PPARGC1A: variants seen among roughly 807,000 people sequenced by gnomAD.
PPARGC1A encodes PPARG coactivator 1 alpha.
A neutral mutation model predicts 88.7 loss-of-function variants in PPARGC1A; 25 were observed. The observed-to-expected ratio is 0.28, with a 90% CI of 0.21 to 0.39. The LOEUF (loss-of-function observed/expected upper bound fraction) is 0.39. Ranked by LOEUF, PPARGC1A falls within the 10% of genes least tolerant of loss-of-function variation. The pLI is 1.00. For missense variants in PPARGC1A, 880 were observed against 968.7 expected (o/e 0.91, Z 1.22); for synonymous variants, 363 against 355.6 (o/e 1.02, Z -0.24).
the PPARGC1A span, among the ~76,000 whole-genome samples, chr4:24,393,911 G>A: frequency 6.6e-6 from 1 of 152,288 alleles, no homozygotes; most frequent in Non-Finnish European, 1.5e-5. Flanking sequence ...GTGAGGCCAG[G>A]AGTTTGAGAC....
the PPARGC1A span, among the ~76,000 whole-genome samples, chr4:24,291,667 C>T: frequency 1.3e-5 from 2 of 152,180 alleles, no homozygotes; most frequent in East Asian, 1.9e-4. Context: ...CTGCTGATCC[C>T]GAAGCCCGTG....
At chr4:24,146,396 G>A in the PPARGC1A span, among the ~76,000 whole-genome samples, 254 of 152,284 alleles carry the variant, frequency 1.7e-3, no homozygotes, top group African/African-American at 5.8e-3. Context: ...TGAAGGACTC[G>A]GTAAAGTGAG....
chr4:23,914,651 C>T, the PPARGC1A span, among the ~76,000 whole-genome samples: 1 of 152,208 alleles, frequency 6.6e-6, no homozygotes, highest in Admixed American at 6.5e-5. Flanking sequence ...TTTTAACATA[C>T]ATGACAGATA....
the PPARGC1A span, among the ~76,000 whole-genome samples, chr4:24,457,049 A>G: frequency 0.043 from 6,527 of 152,296 alleles, 183 homozygotes; most frequent in South Asian, 0.068. Flanking sequence ...ATACAATAAG[A>G]CAGCCAGGAA....
At chr4:23,842,681 A>C (rs111729330) in intron 2 of PPARGC1A, among the ~76,000 whole-genome samples, 1 of 152,042 alleles carries the variant, frequency 6.6e-6, no homozygotes, top group Admixed American at 6.6e-5. Flanking sequence ...GACTACCAAA[A>C]TGTCTCCAGA....
chr4:24,126,843 C>A, the PPARGC1A span, among the ~76,000 whole-genome samples: 2 of 152,156 alleles, frequency 1.3e-5, no homozygotes, highest in African/African-American at 4.8e-5. Flanking sequence ...GGCTAGCTGG[C>A]CAATTTCTCA....
At chr4:23,971,034 A>G in the PPARGC1A span, among the ~76,000 whole-genome samples, 1 of 152,242 alleles carries the variant, frequency 6.6e-6, no homozygotes, top group East Asian at 1.9e-4. Context: ...GATCTGCCAG[A>G]CCTTTCAACA....
the PPARGC1A span, among the ~76,000 whole-genome samples, chr4:24,215,111 G>A: frequency 5.9e-5 from 9 of 152,258 alleles, no homozygotes; most frequent in African/African-American, 1.4e-4. Context: ...AGGAAATACC[G>A]CTCTTGCTCT....
At chr4:24,374,210 C>T in the PPARGC1A span, among the ~76,000 whole-genome samples, 7,157 of 152,248 alleles carry the variant, frequency 0.047, 251 homozygotes, top group Non-Finnish European at 0.069. Flanking sequence ...ATTTCATTGA[C>T]CCAAGTTGGT....
the PPARGC1A span, among the ~76,000 whole-genome samples, chr4:24,453,161 G>A: frequency 1.3e-3 from 194 of 152,290 alleles, 1 homozygote; most frequent in African/African-American, 4.5e-3. Context: ...AAGGATGGGG[G>A]CCTAGAACAG....
chr4:24,429,244 ACTCT>A, the PPARGC1A span, among the ~76,000 whole-genome samples: 16 of 151,034 alleles, frequency 1.1e-4, no homozygotes, highest in African/African-American at 2.2e-4. Context: ...ACTTGCTCAC[ACTCT>A]CTCTCTCTCT....
At chr4:24,295,647 C>T in the PPARGC1A span, among the ~76,000 whole-genome samples, 3 of 150,328 alleles carry the variant, frequency 2.0e-5, no homozygotes, top group African/African-American at 4.9e-5. Flanking sequence ...TATATATATT[C>T]ATAGTTTTTT....
At chr4:24,312,462 G>A in the PPARGC1A span, among the ~76,000 whole-genome samples, 2 of 151,806 alleles carry the variant, frequency 1.3e-5, no homozygotes, top group Non-Finnish European at 2.9e-5. Flanking sequence ...GAGCTCTGAG[G>A]CAATATTCAG....
At chr4:24,258,146 T>G in the PPARGC1A span, 1 of 828,992 alleles carries the variant, frequency 1.2e-6, no homozygotes. Context: ...AGCAGACATT[T>G]GGTATTTGCA....
At chr4:24,102,213 C>T in the PPARGC1A span, among the ~76,000 whole-genome samples, 2 of 152,226 alleles carry the variant, frequency 1.3e-5, no homozygotes, top group Non-Finnish European at 2.9e-5. Flanking sequence ...ATTTAAAATA[C>T]AATAGTTTCT....
the PPARGC1A span, among the ~76,000 whole-genome samples, chr4:24,036,656 C>T: frequency 6.6e-6 from 1 of 151,676 alleles, no homozygotes; most frequent in Admixed American, 6.6e-5. Context: ...GTAATGATTC[C>T]ATTTCTGTGA....
chr4:24,123,290 A>G, the PPARGC1A span, among the ~76,000 whole-genome samples: 1 of 152,136 alleles, frequency 6.6e-6, no homozygotes, highest in Non-Finnish European at 1.5e-5. Flanking sequence ...ATGGATTTGG[A>G]TCTTGCAGCA....
the PPARGC1A span, among the ~76,000 whole-genome samples, chr4:23,993,949 T>A: frequency 6.6e-6 from 1 of 152,156 alleles, no homozygotes; most frequent in Non-Finnish European, 1.5e-5. Context: ...ACTTTTTCCA[T>A]CCTAAAGGGA....
At chr4:24,350,899 G>A in the PPARGC1A span, among the ~76,000 whole-genome samples, 1 of 152,182 alleles carries the variant, frequency 6.6e-6, no homozygotes, top group East Asian at 1.9e-4. Context: ...GGAGGTGGGG[G>A]CAGGAGGATC....
Sources: gnomAD v4.1 joint callset for allele counts (sites outside exome capture counted in the v4.1 genomes callset) on GRCh38, gnomAD v4.1.1 for gene constraint, MANE v1.5 for transcripts, NCBI Gene and HGNC (gene_info 2026-07-23, HGNC 2026-07-21) for gene names.